Variants in MZT2B observed in about 807,000 individuals in gnomAD.
MZT2B encodes the protein mitotic spindle organizing protein 2B.
In MZT2B, 11 loss-of-function variants were observed where a neutral mutation model predicts 12.1. That is an observed-to-expected ratio of 0.91 (90% CI 0.57 to 1.50). The LOEUF is 1.50. Among genes scored for constraint, MZT2B ranks in the 40% most tolerant of loss-of-function variants. The probability of loss-of-function intolerance (pLI) is 0.00; values close to 1 mark genes in which losing one functional copy is unlikely to be tolerated. For synonymous variants in MZT2B, 85 were observed against 109.5 expected (o/e 0.78, Z 1.40); for missense variants, 209 against 227.7 (o/e 0.92, Z 0.53).
chr2:130,181,955 C>T, upstream of MZT2B: 1 of 1,420,604 alleles, frequency 7.0e-7, no homozygotes, highest in Non-Finnish European at 9.3e-7. Flanking sequence ...TTACCGAGCG[C>T]CCAATGTATG....
At chr2:130,190,765 T>A (rs1339967946), downstream of MZT2B, 2 of 1,425,028 alleles carry the variant, frequency 1.4e-6, no homozygotes, top group Admixed American at 2.9e-5. Context: ...TTTTTTTTTT[T>A]ATATTAAGGC....
chr2:130,185,678 C>T lies in MZT2B; in HGVS notation c.319+2903C>T, dbSNP rs1337950796. Among the ~76,000 whole-genome samples the T allele has an allele frequency of 1.8e-4, 3 of 16,734 alleles. 1 individual carries two copies. Among genetic ancestry groups the T allele is most frequent in the Non-Finnish European group, 3.1e-4 (2 of 6,444 alleles). 11.0% of individuals were successfully genotyped at this position (16,734 alleles called of 152,430 possible). On this transcript the variant is annotated intron_variant, in intron 2 of 2. Transcript: ENST00000281871. ...TGTCCAGGTGCTGGTAGGCCGGGGG[C>T]GGGAGGAGGCAGGTGGGGGGGCACG...
chr2:130,201,916 A>G, the MZT2B span, among the ~76,000 whole-genome samples: 4 of 152,150 alleles, frequency 2.6e-5, no homozygotes, highest in African/African-American at 9.7e-5. Flanking sequence ...TGGTATTATA[A>G]CTTTATGGGA....
At chr2:130,185,242 T>C (rs1226065907) in intron 2 of MZT2B, among the ~76,000 whole-genome samples, 8 of 137,126 alleles carry the variant, frequency 5.8e-5, no homozygotes, top group Non-Finnish European at 1.2e-4. Context: ...ACTTGGGAGG[T>C]GGAGCTTACA....
At chr2:130,200,311 A>G in the MZT2B span, among the ~76,000 whole-genome samples, 2 of 151,992 alleles carry the variant, frequency 1.3e-5, no homozygotes, top group Non-Finnish European at 2.9e-5. Context: ...GGATGGCATG[A>G]ACCCGGGAGG....
At chr2:130,183,661 A>G (rs547333293) in intron 2 of MZT2B, 46 of 1,497,086 alleles carry the variant, frequency 3.1e-5, no homozygotes, top group East Asian at 7.4e-5. Context: ...GGCTGCCTTC[A>G]TGGGGGGAGT....
chr2:130,191,592 T>G (rs1048625081), downstream of MZT2B, among the ~76,000 whole-genome samples: 3 of 152,168 alleles, frequency 2.0e-5, no homozygotes, highest in African/African-American at 7.2e-5. Flanking sequence ...TTTCCCCTGG[T>G]CAGGTTACTT....
chr2:130,190,383 A>G, intron 2 of MZT2B, 86 bp from the exon 3 acceptor site: 2 of 1,571,526 alleles, frequency 1.3e-6, no homozygotes, highest in Non-Finnish European at 1.7e-6. Context: ...TGCAGACACA[A>G]ATGTTGCCCA....
At chr2:130,199,656 G>T in the MZT2B span, among the ~76,000 whole-genome samples, 7 of 121,802 alleles carry the variant, frequency 5.7e-5, 1 homozygote, top group African/African-American at 1.2e-4. Flanking sequence ...TAAAGGAAAA[G>T]AAGAGGCAGT....
Position 130,190,545 on chromosome 2 carries a change from G to A in MZT2B, c.396G>A (p.Gln132=). Residue 132 remains glutamine, a synonymous_variant, in exon 3 of 3, where the codon CAG becomes CAA. Transcript: ENST00000281871. The part of the protein sequence containing the change: ...AERSSREGSS[Q]RMPRQPSATR... ...GCAGCAGCCGCGAAGGATCCAGCCA[G>A]AGGATGCCACGCCAGCCCAGCGCTA... The A allele has an allele frequency of 6.2e-7, 1 of 1,613,882 alleles. No homozygotes were observed. The highest frequency in any genetic ancestry group is 8.5e-7 in the Non-Finnish European group (1 of 1,180,010).
rs565293695 is a variant in MZT2B, at chr2:130,182,802, C to A, written c.319+27C>A. The A allele has an allele frequency of 2.3e-5, 33 of 1,419,274 alleles. No homozygotes were observed. The South Asian group carries it at 4.6e-4, about 20-fold the overall frequency. The allele number at this position is 1,419,274 out of a possible 1,614,324, so 87.9% of individuals were successfully genotyped here. A position where few individuals can be genotyped will look rare whatever the true frequency, so the allele number is the denominator to read the frequency against. ...TCAGAGCTGGGCCCGCTGTCCCTGC[C>A]CCAGTGGCGGGGGTGGCGGGCGGGG... On this transcript the variant is annotated intron_variant, in intron 2 of 2. Coordinates refer to ENST00000281871, the MANE Select transcript of MZT2B (RefSeq NM_025029.5).
downstream of MZT2B, among the ~76,000 whole-genome samples, chr2:130,193,090 CAA>C (rs34628369): frequency 6.0e-5 from 8 of 134,192 alleles, no homozygotes; most frequent in African/African-American, 1.4e-4. Flanking sequence ...AAGATTGTCT[CAA>C]AAAAAAAAAA....
the MZT2B span, among the ~76,000 whole-genome samples, chr2:130,200,029 G>A: frequency 2.6e-5 from 4 of 151,962 alleles, no homozygotes; most frequent in African/African-American, 9.7e-5. Context: ...CCAGGAGGCA[G>A]AGTTTGCAGT....
At chr2:130,196,155 C>T in the MZT2B span, 1 of 1,612,854 alleles carries the variant, frequency 6.2e-7, no homozygotes, top group African/African-American at 1.3e-5. Flanking sequence ...CTACCGACCA[C>T]AGTGGGCTCC....
chr2:130,190,445 T>C, intron 2 of MZT2B, 24 bp from the exon 3 acceptor site: 1 of 1,611,420 alleles, frequency 6.2e-7, no homozygotes, highest in East Asian at 2.2e-5. Context: ...CCATTCCTAA[T>C]CATTGTGCTT....
At chr2:130,196,026 C>A in the MZT2B span, 1 of 1,372,706 alleles carries the variant, frequency 7.3e-7, no homozygotes, top group Non-Finnish European at 9.7e-7. Context: ...CCTAACAATG[C>A]CATGGGCATA....
chr2:130,204,719 G>A, the MZT2B span, among the ~76,000 whole-genome samples: 1 of 149,368 alleles, frequency 6.7e-6, no homozygotes, highest in Non-Finnish European at 1.5e-5. Context: ...GGGTGGGGAG[G>A]AAGCTATTTA....
chr2:130,203,336 C>G, the MZT2B span, among the ~76,000 whole-genome samples: 16,568 of 147,344 alleles, frequency 0.11, no homozygotes, highest in African/African-American at 0.34. Flanking sequence ...CTGAGCTGGA[C>G]CCAGAGAGGC....
intron 2 of MZT2B, chr2:130,184,126 G>A (rs1490518285): frequency 1.1e-5 from 17 of 1,513,410 alleles, no homozygotes; most frequent in Non-Finnish European, 1.4e-5. Context: ...TTCTGACTCG[G>A]TTTATTAGAG....
Sources: allele counts gnomAD v4.1 joint callset (sites outside exome capture counted in the v4.1 genomes callset), GRCh38; gene constraint gnomAD v4.1.1; transcripts MANE v1.5; gene names NCBI Gene and HGNC (gene_info 2026-07-23, HGNC 2026-07-21).